Variants in PPIL3 observed in about 807,000 individuals in gnomAD.
The protein encoded by PPIL3 is peptidyl-prolyl cis-trans isomerase-like 3.
A neutral mutation model predicts 20.9 loss-of-function variants in PPIL3; 13 were observed. That is an observed-to-expected ratio of 0.62 (90% CI 0.40 to 0.99). The LOEUF is 0.99. PPIL3 is among the 50% of genes least tolerant of loss of function. The pLI is 0.00. For synonymous variants in PPIL3, 71 were observed against 64.4 expected, an observed-to-expected ratio of 1.10 and a Z score of -0.49; for missense variants, 170 against 195.2, an observed-to-expected ratio of 0.87 and a Z score of 0.77.
intron 4 of PPIL3, 43 bp downstream of exon 4, chr2:200,882,299 T>C (rs1467922553): frequency 8.0e-7 from 1 of 1,254,748 alleles, no homozygotes; most frequent in African/African-American, 1.5e-5. Flanking sequence ...TTCTTCATAC[T>C]ATACATTCAG....
At chr2:200,878,159 A>G (rs541541637) in intron 5 of PPIL3, among the ~76,000 whole-genome samples, 27 of 152,364 alleles carry the variant, frequency 1.8e-4, no homozygotes, top group African/African-American at 6.0e-4. Context: ...ACAATATTTA[A>G]TACATACACA....
At chr2:200,872,467 C>T (rs2039341637) in intron 6 of PPIL3, among the ~76,000 whole-genome samples, 1 of 152,056 alleles carries the variant, frequency 6.6e-6, no homozygotes, top group Admixed American at 6.6e-5. Flanking sequence ...ACTCAATCTC[C>T]AGCCCTTCTC....
chr2:200,875,863 T>C (rs1197117762), intron 6 of PPIL3, among the ~76,000 whole-genome samples: 1 of 152,056 alleles, frequency 6.6e-6, no homozygotes, highest in Non-Finnish European at 1.5e-5. Context: ...CCTGGGAAAG[T>C]TCTGTTAATT....
chr2:200,883,112 C>CTTTTTTT (rs1289951586), intron 3 of PPIL3, among the ~76,000 whole-genome samples: 8 of 108,820 alleles, frequency 7.4e-5, no homozygotes, highest in Non-Finnish European at 9.2e-5. Context: ...CTGGAATGTT[C>CTTTTTTT]TTTTTTTTTT....
intron 6 of PPIL3, among the ~76,000 whole-genome samples, chr2:200,874,661 G>A (rs1299074674): frequency 2.0e-5 from 3 of 152,146 alleles, no homozygotes. Context: ...GGTTAAGGGA[G>A]AAAATAAGAG....
At chr2:200,875,610 G>C (rs1387185926) in intron 6 of PPIL3, among the ~76,000 whole-genome samples, 1 of 149,916 alleles carries the variant, frequency 6.7e-6, no homozygotes, top group Non-Finnish European at 1.5e-5. Context: ...GGGTATCATT[G>C]TTGCCCAGGC....
At position 200,882,424 on chromosome 2, in the gene PPIL3, A is replaced by G; in HGVS notation, c.90T>C (p.Ala30=). ...RTPKTCENFL[A]LCASNYYNGC... ...CATTGTAGTAATTACTGGCACAAAG[A>G]GCCAAGAAATTCTGAAGGGAGTAAA... Residue 30 remains alanine, a synonymous_variant, in exon 4 of 7, where the codon GCT becomes GCC. Transcript: ENST00000392283. 6.3e-7 allele frequency: 1 copy of G among 1,597,228 alleles called. No homozygotes were observed. The highest frequency in any genetic ancestry group is 8.6e-7 in the Non-Finnish European group (1 of 1,164,664).
At chr2:200,880,185 T>A (rs1359912802) in intron 5 of PPIL3, among the ~76,000 whole-genome samples, 1 of 151,940 alleles carries the variant, frequency 6.6e-6, no homozygotes, top group Non-Finnish European at 1.5e-5. Context: ...AAATTTAGTC[T>A]GCAGTGAGCC....
chr2:200,887,942 A>T (rs1218991333), intron 1 of PPIL3, among the ~76,000 whole-genome samples: 4 of 151,708 alleles, frequency 2.6e-5, no homozygotes, highest in African/African-American at 9.7e-5. Context: ...CTGTAGTCCT[A>T]GCTACTCAGC....
Position 200,871,327 on chromosome 2 carries a change from A to C in PPIL3, c.*68T>G. 1 of 1,470,722 alleles carries C rather than the reference A, an allele frequency of 6.8e-7. No individual in the cohort carries two copies. Among genetic ancestry groups the C allele is most frequent in the Non-Finnish European group, 9.3e-7 (1 of 1,078,564 alleles). 91.1% of individuals were successfully genotyped at this position (1,470,722 alleles called of 1,614,324 possible). ...GGATGATGCAATCTCTGACATAATT[A>C]AAACCGGGTAAACCACAATAAGTGT... On this transcript the variant is annotated 3_prime_UTR_variant, in exon 7 of 7. Transcript: ENST00000392283.
intron 3 of PPIL3, among the ~76,000 whole-genome samples, chr2:200,883,681 T>C (rs1271659778): frequency 6.6e-6 from 1 of 152,212 alleles, no homozygotes; most frequent in Admixed American, 6.5e-5. Flanking sequence ...ACTAAAATAT[T>C]GGCTCCATGA....
chr2:200,879,919 A>G (rs778879278), intron 5 of PPIL3, among the ~76,000 whole-genome samples: 16 of 152,240 alleles, frequency 1.1e-4, no homozygotes, highest in Non-Finnish European at 1.6e-4. Context: ...TAATGTAATA[A>G]TTAATACCTA....
intron 2 of PPIL3, 79 bp downstream of exon 2, chr2:200,887,534 G>T: frequency 9.1e-7 from 1 of 1,099,730 alleles, no homozygotes; most frequent in South Asian, 1.4e-5. Context: ...CAATTTCCAT[G>T]AACTTTTATT....
At chr2:200,881,530 A>T (rs1485910954) in intron 4 of PPIL3, 42 bp from the exon 5 acceptor site, 10 of 1,532,974 alleles carry the variant, frequency 6.5e-6, no homozygotes, top group Non-Finnish European at 9.0e-6. Context: ...TATTTAATTA[A>T]ATTGAAAACA....
At chr2:200,879,082 CA>C (rs2105770146) in intron 5 of PPIL3, among the ~76,000 whole-genome samples, 1 of 152,014 alleles carries the variant, frequency 6.6e-6, no homozygotes, top group Admixed American at 6.5e-5. Context: ...AGAGTCAATA[CA>C]TATCCACAAT....
chr2:200,872,976 A>G (rs375346172), intron 6 of PPIL3, among the ~76,000 whole-genome samples: 11 of 151,780 alleles, frequency 7.2e-5, no homozygotes, highest in Admixed American at 2.0e-4. Context: ...GGTTCAAGCA[A>G]TTCTCCTGCC....
intron 6 of PPIL3, among the ~76,000 whole-genome samples, chr2:200,876,685 T>A (rs955901122): frequency 1.3e-5 from 2 of 152,054 alleles, no homozygotes; most frequent in Non-Finnish European, 2.9e-5. Flanking sequence ...ATCCAACTAA[T>A]TTTTTAAAAT....
At chr2:200,872,833 C>T (rs2039361592) in intron 6 of PPIL3, among the ~76,000 whole-genome samples, 1 of 151,338 alleles carries the variant, frequency 6.6e-6, no homozygotes, top group African/African-American at 2.4e-5. Context: ...TACTGCCCTA[C>T]AATGAGAGTC....
At chr2:200,883,926 C>G (rs1426687875) in intron 3 of PPIL3, among the ~76,000 whole-genome samples, 1 of 152,104 alleles carries the variant, frequency 6.6e-6, no homozygotes, top group Non-Finnish European at 1.5e-5. Flanking sequence ...CAACATCTGG[C>G]TAATTTTTGT....
Sources: gnomAD v4.1 joint callset for allele counts (sites outside exome capture counted in the v4.1 genomes callset) on GRCh38, gnomAD v4.1.1 for gene constraint, MANE v1.5 for transcripts, NCBI Gene and HGNC (gene_info 2026-07-23, HGNC 2026-07-21) for gene names.